Variants in DECR1 observed in about 807,000 individuals in gnomAD.
DECR1 encodes 2,4-dienoyl-CoA reductase 1, also known as 2,4-dienoyl-CoA reductase [(3E)-enoyl-CoA-producing], mitochondrial.
DECR1 carries 44 observed loss-of-function variants against 38.8 expected under a neutral mutation model. That is an observed-to-expected ratio of 1.13 (90% CI 0.89 to 1.46). The LOEUF is 1.46. Ranked by LOEUF, DECR1 falls within the 40% of genes most tolerant of loss-of-function variation. The pLI is 0.00. For synonymous variants in DECR1, 148 were observed against 135.2 expected, an observed-to-expected ratio of 1.09 and a Z score of -0.66; for missense variants, 428 against 405.5, an observed-to-expected ratio of 1.06 and a Z score of -0.48.
Position 90,044,838 on chromosome 8 carries a change from TA to T in DECR1, c.739-9del. ...ACCCGACACAACCTAATTGTTTTCT[TA>T]ATTTCTAAGGGTGCCTTTAGCCGTC... On this transcript the variant is annotated splice_polypyrimidine_tract_variant and intron_variant, in intron 7 of 9. Coordinates refer to ENST00000220764, the MANE Select transcript of DECR1 (RefSeq NM_001359.2). 5 of 1,600,276 alleles carry T rather than the reference TA, an allele frequency of 3.1e-6. No individual in the cohort carries two copies. Among genetic ancestry groups the T allele is most frequent in the Admixed American group, 1.8e-5 (1 of 56,610 alleles).
At position 90,022,783 on chromosome 8, in the gene DECR1, T is replaced by G. The variant is rs1264168313; in HGVS notation, c.565+1727T>G. 2.6e-5 allele frequency among the ~76,000 whole-genome samples: 4 copies of G among 152,288 alleles called. No individual in the cohort carries two copies. The East Asian group carries it at 7.7e-4, about 29-fold the overall frequency. On this transcript the variant is annotated intron_variant, in intron 5 of 9. Transcript: ENST00000220764. ...CTTCTTTGCCTCTTTGTCTCTTATT[T>G]CTTCCCTCGCTCATCTCTGTGACCC...
At position 90,051,766 on chromosome 8, in the gene DECR1, TATC is replaced by T. The variant is rs1267192201; in HGVS notation, c.948+29_948+31del. On this transcript the variant is annotated intron_variant, in intron 9 of 9. Transcript: ENST00000220764. Reference sequence around the variant, plus strand: ...TAATGCTTTTGTGTGTATAATGTAATATCAGCAGCTAGGATACTAAGCTTTAAA... The same window carrying T: ...TAATGCTTTTGTGTGTATAATGTAATAGCAGCTAGGATACTAAGCTTTAAA... The T allele has an allele frequency of 1.9e-6, 3 of 1,612,598 alleles. No homozygotes were observed. The East Asian group carries it at 6.7e-5, about 36-fold the overall frequency.
intron 6 of DECR1, among the ~76,000 whole-genome samples, chr8:90,040,434 A>G (rs1198575518): frequency 3.3e-5 from 5 of 152,176 alleles, no homozygotes; most frequent in Admixed American, 6.5e-5. Flanking sequence ...AAATGATGCT[A>G]TAAGACTATT....
chr8:90,013,793 T>A (rs1812944801), intron 1 of DECR1, among the ~76,000 whole-genome samples: 1 of 152,224 alleles, frequency 6.6e-6, no homozygotes, highest in African/African-American at 2.4e-5. Flanking sequence ...AGCCAAAATA[T>A]ACTTAAGTAA....
At chr8:90,034,438 ATTTG>A (rs562532300) in intron 5 of DECR1, among the ~76,000 whole-genome samples, 52 of 151,754 alleles carry the variant, frequency 3.4e-4, no homozygotes, top group Middle Eastern at 3.4e-3. Context: ...TTATTTATTT[ATTTG>A]TTTGTTTGTT....
At chr8:90,044,486 A>G (rs543188112) in intron 7 of DECR1, among the ~76,000 whole-genome samples, 195 of 152,288 alleles carry the variant, frequency 1.3e-3, no homozygotes, top group Admixed American at 2.0e-3. Context: ...AATATTTCCT[A>G]TGAGCCACTT....
Position 90,044,889 on chromosome 8 carries a change from A to C in DECR1, c.779A>C (p.Lys260Thr). The change falls in exon 8 of 10, where the codon AAA becomes ACA. Residue 260 changes from lysine (K) to threonine (T), a missense_variant. By Grantham distance (78) the Lys-to-Thr change is moderately conservative. Coordinates refer to ENST00000220764, the MANE Select transcript of DECR1 (RefSeq NM_001359.2). ...CTGGACCCAACTGGAACATTTGAGAAAGAAATGATTGGCAGAATTCCCTGT... is the reference window on the plus strand; with the variant it reads ...CTGGACCCAACTGGAACATTTGAGACAGAAATGATTGGCAGAATTCCCTGT... ...SRLDPTGTFE[K>T]EMIGRIPCGR... The C allele has an allele frequency of 6.2e-7, 1 of 1,613,536 alleles. No individual in the cohort carries two copies. The highest frequency in any genetic ancestry group is 2.2e-5 in the East Asian group (1 of 44,848).
intron 1 of DECR1, chr8:90,015,588 T>G: frequency 2.2e-6 from 1 of 453,602 alleles, no homozygotes; most frequent in Admixed American, 2.4e-5. Context: ...TCTTATTCTT[T>G]CCTGAGGATA....
At chr8:90,043,902 A>T (rs1442681504) in intron 7 of DECR1, among the ~76,000 whole-genome samples, 2 of 152,176 alleles carry the variant, frequency 1.3e-5, no homozygotes, top group Non-Finnish European at 2.9e-5. Flanking sequence ...TCTAGGGAAA[A>T]ATCACCTGCA....
intron 1 of DECR1, among the ~76,000 whole-genome samples, chr8:90,015,230 T>C (rs945515978): frequency 6.6e-6 from 1 of 152,180 alleles, no homozygotes; most frequent in Non-Finnish European, 1.5e-5. Context: ...ATGGGTGGAC[T>C]CTGAAGTCAG....
At position 90,051,657 on chromosome 8, in the gene DECR1, TA is replaced by T; in HGVS notation, c.886-15del. ...TTTAAAAGGAGTTAGTTTCAGAGTT[TA>T]AAAATTTGTTTTTTCCAGGTCATTA... is the stretch of plus-strand genomic sequence containing the variant. On this transcript the variant is annotated intron_variant, in intron 8 of 9. Coordinates refer to ENST00000220764, the MANE Select transcript of DECR1 (RefSeq NM_001359.2). 1 of 1,606,788 alleles carries T rather than the reference TA, an allele frequency of 6.2e-7. No individual in the cohort carries two copies. Among genetic ancestry groups the T allele is most frequent in the Non-Finnish European group, 8.5e-7 (1 of 1,176,408 alleles).
chr8:90,033,908 G>T (rs1563644931), intron 5 of DECR1, among the ~76,000 whole-genome samples: 1 of 151,904 alleles, frequency 6.6e-6, no homozygotes, highest in Non-Finnish European at 1.5e-5. Flanking sequence ...TTGTAATTTT[G>T]CTATAAGAAT....
chr8:90,049,818 C>G (rs1289991660), intron 8 of DECR1, among the ~76,000 whole-genome samples: 1 of 152,082 alleles, frequency 6.6e-6, no homozygotes, highest in East Asian at 1.9e-4. Context: ...TGGTACGGTA[C>G]CAAAACAGAG....
chr8:90,036,536 T>C (rs771523636), intron 5 of DECR1, among the ~76,000 whole-genome samples: 1 of 152,178 alleles, frequency 6.6e-6, no homozygotes, highest in Non-Finnish European at 1.5e-5. Flanking sequence ...ATGGGAATCC[T>C]GACCAGCTGA....
chr8:90,005,878 G>A, intron 1 of DECR1: 1 of 348,656 alleles, frequency 2.9e-6, no homozygotes, highest in Non-Finnish European at 5.5e-6. Flanking sequence ...AGAGATGGAA[G>A]TGAGGGGGTG....
chr8:90,011,264 A>G (rs1211337056), intron 1 of DECR1, among the ~76,000 whole-genome samples: 1 of 152,218 alleles, frequency 6.6e-6, no homozygotes, highest in African/African-American at 2.4e-5. Flanking sequence ...TACAGTCAGC[A>G]TATACATTCC....
chr8:90,011,107 C>A (rs1322706248), intron 1 of DECR1, among the ~76,000 whole-genome samples: 1 of 152,068 alleles, frequency 6.6e-6, no homozygotes, highest in Admixed American at 6.5e-5. Flanking sequence ...ATGAAGATAT[C>A]CTCATTTTAA....
chr8:90,011,987 A>G (rs1198230614), intron 1 of DECR1, among the ~76,000 whole-genome samples: 2 of 152,164 alleles, frequency 1.3e-5, no homozygotes, highest in East Asian at 3.8e-4. Flanking sequence ...CTGGTCTGGT[A>G]AGAGAAAAAT....
intron 8 of DECR1, among the ~76,000 whole-genome samples, chr8:90,046,038 C>T (rs1813891707): frequency 6.6e-6 from 1 of 152,146 alleles, no homozygotes; most frequent in South Asian, 2.1e-4. Flanking sequence ...TTGTATGTCA[C>T]CATCACGAAA....
Sources: allele counts gnomAD v4.1 joint callset (sites outside exome capture counted in the v4.1 genomes callset), GRCh38; gene constraint gnomAD v4.1.1; transcripts MANE v1.5; gene names NCBI Gene and HGNC (gene_info 2026-07-23, HGNC 2026-07-21).